ITGBL1: variants seen among roughly 807,000 people sequenced by gnomAD.
ITGBL1 encodes integrin beta-like protein 1.
A neutral mutation model predicts 68.5 loss-of-function variants in ITGBL1; 51 were observed. The ratio of observed to expected loss-of-function variants is 0.74; its 90% CI spans 0.59 to 0.94. The LOEUF (loss-of-function observed/expected upper bound fraction) is 0.94. Among genes scored for constraint, ITGBL1 ranks in the 40% least tolerant of loss-of-function variants. The pLI is 0.00. For missense variants in ITGBL1, 649 were observed against 647.4 expected (o/e 1.00, Z -0.03); for synonymous variants, 209 against 227.3 (o/e 0.92, Z 0.72).
intron 8 of ITGBL1, 132 bp downstream of exon 8, chr13:101,692,833 C>T: frequency 1.4e-6 from 1 of 691,804 alleles, no homozygotes. Flanking sequence ...ACCATTGAAC[C>T]TAAAAGCAAT....
At chr13:101,691,898 T>C (rs577264216) in intron 7 of ITGBL1, among the ~76,000 whole-genome samples, 1 of 152,330 alleles carries the variant, frequency 6.6e-6, no homozygotes, top group East Asian at 1.9e-4. Flanking sequence ...CAGGGAATGA[T>C]AGTGTTTGAC....
At chr13:101,610,440 C>T (rs1004157391) in intron 7 of ITGBL1, among the ~76,000 whole-genome samples, 7 of 152,098 alleles carry the variant, frequency 4.6e-5, no homozygotes, top group African/African-American at 7.2e-5. Flanking sequence ...AGTTGCAAAA[C>T]GAATGCAGAT....
chr13:101,459,372 G>A (rs2048287494), intron 2 of ITGBL1, among the ~76,000 whole-genome samples: 3 of 152,128 alleles, frequency 2.0e-5, no homozygotes, highest in Admixed American at 6.5e-5. Context: ...GTGACATTGA[G>A]CATGATTTTA....
At chr13:101,691,631 C>T (rs1221046389) in intron 7 of ITGBL1, among the ~76,000 whole-genome samples, 1 of 152,158 alleles carries the variant, frequency 6.6e-6, no homozygotes, top group African/African-American at 2.4e-5. Context: ...AGTGATTCCT[C>T]AAACAAAAGA....
chr13:101,521,981 G>T (rs751600818), intron 2 of ITGBL1, among the ~76,000 whole-genome samples: 1 of 151,698 alleles, frequency 6.6e-6, no homozygotes, highest in Non-Finnish European at 1.5e-5. Context: ...CTGCTGTGAC[G>T]GCAACATGGT....
At chr13:101,683,097 T>C (rs1205382083) in intron 7 of ITGBL1, among the ~76,000 whole-genome samples, 1 of 152,106 alleles carries the variant, frequency 6.6e-6, no homozygotes, top group African/African-American at 2.4e-5. Flanking sequence ...ATTTATAGCA[T>C]TATGAATCAT....
intron 7 of ITGBL1, among the ~76,000 whole-genome samples, chr13:101,599,755 G>A (rs1340997622): frequency 7.9e-5 from 12 of 152,120 alleles, no homozygotes; most frequent in East Asian, 5.8e-4. Context: ...GTAGATATGC[G>A]GCATTATTTC....
At chr13:101,619,366 G>A (rs181182297) in intron 7 of ITGBL1, among the ~76,000 whole-genome samples, 2 of 151,902 alleles carry the variant, frequency 1.3e-5, no homozygotes, top group Admixed American at 6.6e-5. Context: ...AAGTGGACAT[G>A]GGAAAGAAAG....
At chr13:101,661,581 A>G (rs1419281209) in intron 7 of ITGBL1, among the ~76,000 whole-genome samples, 17 of 152,214 alleles carry the variant, frequency 1.1e-4, no homozygotes, top group Non-Finnish European at 4.4e-5. Flanking sequence ...GTAATAAAAC[A>G]AACAATTGAT....
At chr13:101,578,157 ACTTCTTG>A (rs1441881199) in intron 4 of ITGBL1, among the ~76,000 whole-genome samples, 1 of 152,114 alleles carries the variant, frequency 6.6e-6, no homozygotes, top group Admixed American at 6.6e-5. Context: ...ATTCTGTTGT[ACTTCTTG>A]CTTCTTATGT....
At chr13:101,456,388 T>G (rs1430755951) in intron 2 of ITGBL1, among the ~76,000 whole-genome samples, 1 of 152,178 alleles carries the variant, frequency 6.6e-6, no homozygotes, top group African/African-American at 2.4e-5. Flanking sequence ...GTCGATGTAT[T>G]CCATGCTTCA....
chr13:101,598,884 C>T (rs1202532798), intron 7 of ITGBL1, among the ~76,000 whole-genome samples: 10 of 151,968 alleles, frequency 6.6e-5, no homozygotes, highest in South Asian at 2.1e-4. Flanking sequence ...TGAATAGTGC[C>T]GCAATAAACA....
At chr13:101,546,446 G>A (rs985177082) in intron 2 of ITGBL1, among the ~76,000 whole-genome samples, 4 of 151,950 alleles carry the variant, frequency 2.6e-5, no homozygotes, top group East Asian at 3.8e-4. Context: ...GTCCAAAATC[G>A]AAGTAAGAAA....
chr13:101,605,910 G>T (rs4772400), intron 7 of ITGBL1, among the ~76,000 whole-genome samples: 83,884 of 147,544 alleles, frequency 0.57, 25,477 homozygotes, highest in East Asian at 0.68. Context: ...ATGTGTATAT[G>T]TACACATATA....
intron 2 of ITGBL1, among the ~76,000 whole-genome samples, chr13:101,550,642 A>G (rs1175819648): frequency 1.3e-5 from 2 of 152,214 alleles, no homozygotes; most frequent in African/African-American, 4.8e-5. Context: ...GTTCTCAACA[A>G]AAGTTCTCCA....
chr13:101,524,952 T>C (rs2049349485), intron 2 of ITGBL1, among the ~76,000 whole-genome samples: 1 of 152,140 alleles, frequency 6.6e-6, no homozygotes, highest in African/African-American at 2.4e-5. Context: ...GGCACATGGT[T>C]GGCACTCCAT....
At chr13:101,583,477 G>A (rs2050499471) in intron 6 of ITGBL1, 121 bp downstream of exon 6, 11 of 682,028 alleles carry the variant, frequency 1.6e-5, no homozygotes, top group Admixed American at 8.9e-5. Context: ...GCACAATAGG[G>A]TGACTATAGT....
chr13:101,489,338 A>T (rs1165942713), intron 2 of ITGBL1, among the ~76,000 whole-genome samples: 1 of 152,212 alleles, frequency 6.6e-6, no homozygotes, highest in African/African-American at 2.4e-5. Flanking sequence ...GGTGTTAAAA[A>T]TCAAACAAAA....
intron 2 of ITGBL1, among the ~76,000 whole-genome samples, chr13:101,556,445 T>G (rs926818421): frequency 6.6e-6 from 1 of 152,054 alleles, no homozygotes; most frequent in Non-Finnish European, 1.5e-5. Context: ...GAGACCAGCC[T>G]GACCAACATG....
Sources: gnomAD v4.1 joint callset for allele counts (sites outside exome capture counted in the v4.1 genomes callset) on GRCh38, gnomAD v4.1.1 for gene constraint, MANE v1.5 for transcripts, NCBI Gene and HGNC (gene_info 2026-07-23, HGNC 2026-07-21) for gene names.